DACH2: variants seen among roughly 807,000 people sequenced by gnomAD.
DACH2 encodes the protein dachshund homolog 2.
DACH2 carries 17 observed loss-of-function variants against 35.8 expected under a neutral mutation model. The ratio of observed to expected loss-of-function variants is 0.48; its 90% CI spans 0.33 to 0.71. The LOEUF (loss-of-function observed/expected upper bound fraction) is 0.71. Among genes scored for constraint, DACH2 ranks in the 30% least tolerant of loss-of-function variants. DACH2 has a pLI of 0.02. For missense variants in DACH2, 469 were observed against 472.7 expected, an observed-to-expected ratio of 0.99 and a Z score of 0.07; for synonymous variants, 195 against 177.3, an observed-to-expected ratio of 1.10 and a Z score of -0.79.
chrX:86,698,514 G>GTTTTTTTTTTTTTTTTTTTTTTTTT, intron 5 of DACH2, among the ~76,000 whole-genome samples: 1 of 34,342 alleles, frequency 2.9e-5, no homozygotes, highest in South Asian at 1.4e-3. Flanking sequence ...TGTTTTGTTA[G>GTTTTTTTTTTTTTTTTTTTTTTTTT]TTTTGTGTTT....
At chrX:86,411,971 C>T (rs1182621329) in intron 2 of DACH2, among the ~76,000 whole-genome samples, 1 of 111,431 alleles carries the variant, frequency 9.0e-6, no homozygotes, top group Non-Finnish European at 1.9e-5. Context: ...AATGACAGGG[C>T]ATGGTAATAC....
chrX:86,150,485 G>A (rs899834489), intron 1 of DACH2, among the ~76,000 whole-genome samples: 2 of 112,081 alleles, frequency 1.8e-5, no homozygotes, highest in African/African-American at 6.5e-5. Flanking sequence ...AGATAATGCT[G>A]CAGAACTTAC....
chrX:86,800,455 A>G (rs1055642613), intron 7 of DACH2, among the ~76,000 whole-genome samples: 5 of 111,605 alleles, frequency 4.5e-5, no homozygotes, highest in Non-Finnish European at 9.4e-5. Flanking sequence ...GCCTCTTTGG[A>G]TATATATTAT....
chrX:86,442,531 T>C (rs1247489834), intron 2 of DACH2, among the ~76,000 whole-genome samples: 1 of 110,049 alleles, frequency 9.1e-6, no homozygotes, highest in Non-Finnish European at 1.9e-5. Flanking sequence ...TTTCTTTTGC[T>C]GTGCAGAAAC....
intron 7 of DACH2, among the ~76,000 whole-genome samples, chrX:86,792,758 CT>C (rs1164379202): frequency 2.7e-5 from 3 of 111,600 alleles, no homozygotes. Context: ...AACACATTTT[CT>C]TTATCCATTC....
intron 1 of DACH2, among the ~76,000 whole-genome samples, chrX:86,150,386 T>C (rs111310284): frequency 8.9e-6 from 1 of 112,376 alleles, no homozygotes; most frequent in East Asian, 2.8e-4. Context: ...CTGTAACAGT[T>C]TGCCACATCT....
intron 1 of DACH2, among the ~76,000 whole-genome samples, chrX:86,286,341 A>T (rs1289313733): frequency 5.5e-5 from 6 of 109,430 alleles, no homozygotes; most frequent in Non-Finnish European, 1.1e-4. Context: ...CTTGTTAGCC[A>T]GGTTGGTCTA....
chrX:86,224,088 C>G (rs1451978969), intron 1 of DACH2, among the ~76,000 whole-genome samples: 1 of 111,245 alleles, frequency 9.0e-6, no homozygotes, highest in Non-Finnish European at 1.9e-5. Flanking sequence ...TTGATCTGGT[C>G]TTTGCCCTTT....
intron 1 of DACH2, among the ~76,000 whole-genome samples, chrX:86,221,379 G>A (rs756060652): frequency 9.0e-6 from 1 of 111,457 alleles, no homozygotes; most frequent in Admixed American, 9.5e-5. Context: ...TATATGCATG[G>A]GTTTAATTCT....
At chrX:86,155,507 T>C (rs2030513212) in intron 1 of DACH2, among the ~76,000 whole-genome samples, 1 of 111,201 alleles carries the variant, frequency 9.0e-6, no homozygotes, top group African/African-American at 3.2e-5. Flanking sequence ...CTTACCTGCA[T>C]TAAATATCAT....
At chrX:86,512,273 G>C (rs16980581) in intron 2 of DACH2, among the ~76,000 whole-genome samples, 7,420 of 108,873 alleles carry the variant, frequency 0.068, 642 homozygotes, top group African/African-American at 0.24. Context: ...ATAGTACCAA[G>C]CCATTTGTGA....
chrX:86,166,617 A>G lies in DACH2; in HGVS notation c.488+17509A>G, dbSNP rs769441429. On this transcript the variant is annotated intron_variant, in intron 1 of 11. Transcript: ENST00000373125. ...AGTACTATGTTGAATAACAGTGATG[A>G]CAGTGGGCATCATTGTCGTGTTCCA... Among the ~76,000 whole-genome samples the G allele has an allele frequency of 3.6e-5, 4 of 111,419 alleles. No homozygotes were observed. In the East Asian group the frequency reaches 1.1e-3, roughly 32 times the overall value.
chrX:86,542,500 C>A (rs1219623085), intron 3 of DACH2, among the ~76,000 whole-genome samples: 2 of 111,651 alleles, frequency 1.8e-5, no homozygotes, highest in African/African-American at 3.3e-5. Flanking sequence ...TGATCTCCTG[C>A]CATGTTGAAA....
intron 1 of DACH2, among the ~76,000 whole-genome samples, chrX:86,292,340 C>T (rs1366183312): frequency 1.7e-3 from 162 of 96,583 alleles, no homozygotes; most frequent in Non-Finnish European, 2.7e-3. Flanking sequence ...GTCTTACTAG[C>T]GGTCTATCAA....
chrX:86,648,360 T>C (rs894614816), intron 3 of DACH2, among the ~76,000 whole-genome samples: 2 of 111,338 alleles, frequency 1.8e-5, no homozygotes, highest in Admixed American at 1.9e-4. Flanking sequence ...ATCAGCTTTA[T>C]GTATTGCCCT....
At chrX:86,493,273 C>T (rs547094448) in intron 2 of DACH2, among the ~76,000 whole-genome samples, 5 of 111,394 alleles carry the variant, frequency 4.5e-5, no homozygotes, top group African/African-American at 1.3e-4. Flanking sequence ...GAATCATGAA[C>T]AGTACTTTTT....
chrX:86,769,797 G>A (rs2041970131), intron 7 of DACH2, among the ~76,000 whole-genome samples: 1 of 110,349 alleles, frequency 9.1e-6, no homozygotes, highest in South Asian at 3.8e-4. Context: ...ACAAAATGCT[G>A]TTACTGGTTT....
At chrX:86,829,411 C>A (rs1245446068) in intron 11 of DACH2, 1 of 112,207 alleles carries the variant, frequency 8.9e-6, no homozygotes, top group Non-Finnish European at 1.9e-5. Flanking sequence ...TCAAAATAAA[C>A]TAGTGTCTTT....
chrX:86,797,345 A>G (rs767367054), intron 7 of DACH2, among the ~76,000 whole-genome samples: 1 of 110,815 alleles, frequency 9.0e-6, no homozygotes, highest in South Asian at 3.7e-4. Context: ...GCAGGTTACT[A>G]AAAGCATCAC....
Sources: allele counts gnomAD v4.1 joint callset (sites outside exome capture counted in the v4.1 genomes callset), GRCh38; gene constraint gnomAD v4.1.1; transcripts MANE v1.5; gene names NCBI Gene and HGNC (gene_info 2026-07-23, HGNC 2026-07-21).